TBC1D32: variants seen among roughly 807,000 people sequenced by gnomAD.
TBC1D32 encodes the protein protein broad-minded.
A neutral mutation model predicts 170.3 loss-of-function variants in TBC1D32; 151 were observed. The observed-to-expected ratio is 0.89, with a 90% CI of 0.78 to 1.01. TBC1D32 has a LOEUF of 1.01. Ranked by LOEUF, TBC1D32 falls within the 50% of genes least tolerant of loss-of-function variation. The pLI, the probability that TBC1D32 is intolerant of heterozygous loss-of-function variation, is 0.00. For missense variants in TBC1D32, 1,464 were observed against 1,457.1 expected (o/e 1.00, Z -0.08); for synonymous variants, 498 against 488.0 (o/e 1.02, Z -0.27).
intron 9 of TBC1D32, among the ~76,000 whole-genome samples, chr6:121,301,912 G>T (rs1290035107): frequency 3.9e-5 from 6 of 151,906 alleles, no homozygotes; most frequent in African/African-American, 1.2e-4. Context: ...TTACAGGCGT[G>T]ACCCACCGCA....
intron 11 of TBC1D32, 52 bp from the exon 12 acceptor site, chr6:121,292,245 GTA>G: frequency 6.6e-7 from 1 of 1,509,072 alleles, no homozygotes; most frequent in South Asian, 1.3e-5. Context: ...ATATTTTACA[GTA>G]CCTGTCTTCA....
At chr6:121,159,268 C>A (rs771789098) in intron 24 of TBC1D32, among the ~76,000 whole-genome samples, 38 of 152,158 alleles carry the variant, frequency 2.5e-4, no homozygotes, top group Non-Finnish European at 4.1e-4. Flanking sequence ...GTTCATGACT[C>A]CACAAAGGTG....
intron 31 of TBC1D32, among the ~76,000 whole-genome samples, chr6:121,086,145 G>GT (rs1270016006): frequency 6.6e-6 from 1 of 151,970 alleles, no homozygotes; most frequent in African/African-American, 2.4e-5. Context: ...TAACCGCTAA[G>GT]TTTTTTTAAG....
At chr6:121,116,615 G>C (rs373995951) in intron 26 of TBC1D32, among the ~76,000 whole-genome samples, 4 of 152,188 alleles carry the variant, frequency 2.6e-5, no homozygotes, top group African/African-American at 9.6e-5. Context: ...GGAGAAAGGT[G>C]TTAAGAATGG....
At chr6:121,224,532 C>T (rs1392750364) in intron 20 of TBC1D32, 5 of 152,048 alleles carry the variant, frequency 3.3e-5, no homozygotes, top group African/African-American at 1.2e-4. Flanking sequence ...AAAAATTGAG[C>T]TCAAGTGAAG....
At chr6:121,278,490 T>C (rs962355880) in intron 15 of TBC1D32, among the ~76,000 whole-genome samples, 7 of 152,138 alleles carry the variant, frequency 4.6e-5, no homozygotes, top group Admixed American at 1.3e-4. Context: ...AAAAAGAGCA[T>C]TTATTGCAGT....
At chr6:121,200,091 G>A (rs1391994236) in intron 22 of TBC1D32, among the ~76,000 whole-genome samples, 1 of 151,214 alleles carries the variant, frequency 6.6e-6, no homozygotes, top group Non-Finnish European at 1.5e-5. Flanking sequence ...TGTAAGTATA[G>A]ACTCCCAAGT....
At chr6:121,299,887 G>A (rs1207322639) in intron 9 of TBC1D32, among the ~76,000 whole-genome samples, 1 of 152,168 alleles carries the variant, frequency 6.6e-6, no homozygotes, top group East Asian at 1.9e-4. Flanking sequence ...AGAGGATACT[G>A]TACGGTCTAC....
At chr6:121,286,901 T>G (rs191072076) in intron 12 of TBC1D32, among the ~76,000 whole-genome samples, 10 of 152,288 alleles carry the variant, frequency 6.6e-5, no homozygotes, top group Admixed American at 5.9e-4. Flanking sequence ...CCAGCCAAAC[T>G]AAGCTTCAAA....
At chr6:121,273,624 C>T (rs1801808953) in intron 15 of TBC1D32, among the ~76,000 whole-genome samples, 3 of 147,106 alleles carry the variant, frequency 2.0e-5, no homozygotes, top group Middle Eastern at 3.5e-3. Context: ...TACCCTAGAA[C>T]TTAAAGTATA....
rs573773549 is a variant in TBC1D32 at position 121,168,702 on chromosome 6, T to TA, written c.2571-7647dup. Reference sequence around the variant, plus strand: ...CAATGTGCACATGTACCCTAAAACTTAGAGTATAATAAAAAAAAAAAAAAA... The same window carrying TA: ...CAATGTGCACATGTACCCTAAAACTTAAGAGTATAATAAAAAAAAAAAAAAA... On this transcript the variant is annotated intron_variant, in intron 22 of 31. Transcript: ENST00000398212. Among the ~76,000 whole-genome samples, 33 of 43,602 alleles carry TA rather than the reference T, an allele frequency of 7.6e-4. No homozygotes were observed. The East Asian group carries it at 0.013, about 18-fold the overall frequency. The allele number at this position is 43,602 out of a possible 152,430, so 28.6% of individuals were successfully genotyped here.
chr6:121,236,030 C>T (rs563655381), intron 20 of TBC1D32, among the ~76,000 whole-genome samples: 2 of 151,928 alleles, frequency 1.3e-5, no homozygotes, highest in South Asian at 2.1e-4. Flanking sequence ...GCATTTAGAG[C>T]TACTATTTTC....
At chr6:121,115,855 G>A (rs889116113) in intron 26 of TBC1D32, 3 of 152,160 alleles carry the variant, frequency 2.0e-5, no homozygotes, top group Non-Finnish European at 2.9e-5. Context: ...ATAGTGATTA[G>A]CTTGCTTATA....
chr6:121,174,048 C>T (rs1235046752), intron 22 of TBC1D32, among the ~76,000 whole-genome samples: 1 of 151,964 alleles, frequency 6.6e-6, no homozygotes, highest in Non-Finnish European at 1.5e-5. Flanking sequence ...CATTAAGCTC[C>T]TTGCACAAAA....
chr6:121,248,328 GA>G (rs2128378157), intron 17 of TBC1D32, among the ~76,000 whole-genome samples: 1 of 152,042 alleles, frequency 6.6e-6, no homozygotes, highest in Admixed American at 6.6e-5. Context: ...GTGTTAAAAG[GA>G]AAGTTCATAG....
intron 21 of TBC1D32, among the ~76,000 whole-genome samples, chr6:121,211,994 AACACACACACACACACACACAC>A (rs66924686): frequency 2.0e-5 from 3 of 148,530 alleles, no homozygotes; most frequent in African/African-American, 7.5e-5. Flanking sequence ...GAACAAACAC[AACACACACACACACACACACAC>A]ACACACACAC....
chr6:121,126,476 G>C lies in TBC1D32; in HGVS notation c.2900-15C>G, dbSNP rs1477800765. The C allele has an allele frequency of 6.4e-7, 1 of 1,561,122 alleles. No homozygotes were observed. Among genetic ancestry groups the C allele is most frequent in the South Asian group, 1.1e-5 (1 of 88,516 alleles). On this transcript the variant is annotated splice_polypyrimidine_tract_variant and intron_variant, in intron 25 of 31. Transcript: ENST00000398212. ...TTCTATTAAGGCTGTAATAAACAAA[G>C]GAATAATTAGGATATTAAAGGTCAG...
Position 121,317,642 on chromosome 6 carries a change from G to T in TBC1D32, c.348C>A (p.Asn116Lys). 1 of 1,608,200 alleles carries T rather than the reference G, an allele frequency of 6.2e-7. No individual in the cohort carries two copies. The highest frequency in any genetic ancestry group is 8.5e-7 in the Non-Finnish European group (1 of 1,177,392). ...TAGACTCGACCACAGCTATCATAAT[G>T]TTCTTCAGGTAATGCATCATTTCTT... ...EYKEMMHYLKNIMIAVVESMI... is the reference protein window; with the variant it reads ...EYKEMMHYLKKIMIAVVESMI... Residue 116 changes from asparagine (N) to lysine (K), a missense_variant, in exon 3 of 32, where the codon AAC becomes AAA. Asn to Lys is a moderately conservative substitution (Grantham distance 94). Transcript: ENST00000398212.
chr6:121,287,548 A>G (rs558669394), intron 12 of TBC1D32, among the ~76,000 whole-genome samples: 19 of 152,272 alleles, frequency 1.2e-4, no homozygotes, highest in African/African-American at 4.6e-4. Flanking sequence ...CCACACAATA[A>G]TAATGGGAGA....
Sources: allele counts gnomAD v4.1 joint callset (sites outside exome capture counted in the v4.1 genomes callset), GRCh38; gene constraint gnomAD v4.1.1; transcripts MANE v1.5; gene names NCBI Gene and HGNC (gene_info 2026-07-23, HGNC 2026-07-21).